ARSG: variants seen among roughly 807,000 people sequenced by gnomAD.
The protein encoded by ARSG is arylsulfatase G.
A neutral mutation model predicts 50.5 loss-of-function variants in ARSG; 37 were observed. The observed-to-expected ratio is 0.73, with a 90% CI of 0.56 to 0.96. The LOEUF is 0.96. ARSG is among the 50% of genes least tolerant of loss of function. The pLI is 0.00. For synonymous variants in ARSG, 225 were observed against 254.6 expected (o/e 0.88, Z 1.11); for missense variants, 629 against 675.3 (o/e 0.93, Z 0.76).
intron 9 of ARSG, among the ~76,000 whole-genome samples, chr17:68,388,002 G>A (rs2080809278): frequency 6.6e-6 from 1 of 152,096 alleles, no homozygotes; most frequent in South Asian, 2.1e-4. Flanking sequence ...GAAGGGTCTT[G>A]CACGTGACCT....
At chr17:68,268,156 T>G (rs782637713) in intron 1 of ARSG, 36 of 152,280 alleles carry the variant, frequency 2.4e-4, no homozygotes, top group Non-Finnish European at 5.0e-4. Flanking sequence ...TAAGACGTAT[T>G]CTGTGAGGCA....
intron 8 of ARSG, among the ~76,000 whole-genome samples, chr17:68,376,144 C>G (rs561153983): frequency 2.0e-5 from 3 of 152,182 alleles, no homozygotes; most frequent in African/African-American, 7.2e-5. Context: ...CAGTCTTGCT[C>G]TGTCCCCCAG....
the ARSG span, among the ~76,000 whole-genome samples, chr17:68,438,951 T>C: frequency 6.6e-6 from 1 of 152,200 alleles, no homozygotes; most frequent in Non-Finnish European, 1.5e-5. Flanking sequence ...GAGATACCAC[T>C]GTACAACCAC....
At chr17:68,430,248 C>T in the ARSG span, 2 of 1,338,706 alleles carry the variant, frequency 1.5e-6, no homozygotes, top group South Asian at 2.7e-5. Flanking sequence ...TCATTAGCCA[C>T]ACTCCCCGCA....
At chr17:68,394,305 A>G in intron 9 of ARSG, among the ~76,000 whole-genome samples, 1 of 152,162 alleles carries the variant, frequency 6.6e-6, no homozygotes, top group East Asian at 1.9e-4. Flanking sequence ...GAAGACATGA[A>G]CAGAAACGTG....
At chr17:68,423,538 T>C (rs1427136690), downstream of ARSG, among the ~76,000 whole-genome samples, 1 of 152,218 alleles carries the variant, frequency 6.6e-6, no homozygotes. The surrounding 1 kb of genome is among the most constrained non-coding windows in gnomAD (Gnocchi z 4.4). Flanking sequence ...CCTTGTTCAG[T>C]GACCACTCTC....
In ARSG at chr17:68,314,274, C is replaced by G. The variant is rs142128540; in HGVS notation, c.218+6563C>G. ...GGGCACAGTGGCTCACACCTGTAAT[C>G]CCAGCACTTTGGGAGGCCGAGGCAG... On this transcript the variant is annotated intron_variant, in intron 2 of 11. Transcript: ENST00000621439. Among the ~76,000 whole-genome samples the G allele has an allele frequency of 9.2e-3, 1,399 of 152,070 alleles. 21 individuals are homozygous for G. The highest frequency in any genetic ancestry group is 0.031 in the African/African-American group (1,306 of 41,482).
intron 5 of ARSG, 44 bp from the exon 6 acceptor site, chr17:68,356,623 G>A (rs1200592375): frequency 1.2e-6 from 2 of 1,610,656 alleles, no homozygotes; most frequent in Non-Finnish European, 1.7e-6. Context: ...TGCTCCGTGA[G>A]TACGTAGGAA....
intron 2 of ARSG, among the ~76,000 whole-genome samples, chr17:68,309,204 G>C (rs957430799): frequency 2.0e-5 from 3 of 152,246 alleles, no homozygotes; most frequent in African/African-American, 7.2e-5. Context: ...GCTGCTCCGA[G>C]TGCGGGGCCC....
intron 9 of ARSG, among the ~76,000 whole-genome samples, chr17:68,392,103 C>T (rs1214462310): frequency 6.6e-6 from 1 of 152,172 alleles, no homozygotes; most frequent in Non-Finnish European, 1.5e-5. Flanking sequence ...ATGGTGCATG[C>T]GAAAGCCTGA....
chr17:68,297,650 A>G (rs975257623), intron 1 of ARSG, among the ~76,000 whole-genome samples: 16 of 152,126 alleles, frequency 1.1e-4, no homozygotes, highest in Non-Finnish European at 1.9e-4. Flanking sequence ...TTTTTCTAAT[A>G]GAGATGGGGT....
At chr17:68,311,131 G>A (rs568526074) in intron 2 of ARSG, among the ~76,000 whole-genome samples, 10 of 152,270 alleles carry the variant, frequency 6.6e-5, no homozygotes, top group South Asian at 2.1e-4. Flanking sequence ...ACTCCAGCCC[G>A]GGCAACAGAC....
In ARSG at chr17:68,420,264, ACGATAC is replaced by A. The variant is rs2082687922; in HGVS notation, c.1382_1387del (p.Asp461_Thr462del). 1 of 1,614,148 alleles carries A rather than the reference ACGATAC, an allele frequency of 6.2e-7. No homozygotes were observed. The highest frequency in any genetic ancestry group is 8.5e-7 in the Non-Finnish European group (1 of 1,180,028). The stretch of plus-strand genomic sequence containing the variant: ...TTTCCTCTGATTTTCAACCTGGAAG[ACGATAC>A]CGCAGAAGCTGTGCCCCTAGAAAGA... On this transcript the variant is annotated inframe_deletion, in exon 12 of 12. Transcript: ENST00000621439.
chr17:68,382,437 A>G (rs2080482135), intron 8 of ARSG, among the ~76,000 whole-genome samples: 1 of 152,222 alleles, frequency 6.6e-6, no homozygotes, highest in Non-Finnish European at 1.5e-5. Context: ...AGGGCTCAAT[A>G]AATACGAGAT....
At chr17:68,310,126 A>T (rs2076793040) in intron 2 of ARSG, among the ~76,000 whole-genome samples, 1 of 151,882 alleles carries the variant, frequency 6.6e-6, no homozygotes, top group South Asian at 2.1e-4. Flanking sequence ...GGTGTGTGCC[A>T]CCTGGGGAGA....
At chr17:68,442,300 C>A in the ARSG span, among the ~76,000 whole-genome samples, 4 of 151,888 alleles carry the variant, frequency 2.6e-5, no homozygotes, top group African/African-American at 7.3e-5. Flanking sequence ...CCTATCTCTA[C>A]TAAAAATACA....
intron 2 of ARSG, among the ~76,000 whole-genome samples, chr17:68,318,429 G>A (rs1195389109): frequency 6.6e-6 from 1 of 152,196 alleles, no homozygotes; most frequent in Admixed American, 6.5e-5. Context: ...ATGACTCCTG[G>A]CTGGGTGGCT....
At chr17:68,291,053 C>G (rs1291981283), upstream of ARSG, 2 of 152,234 alleles carry the variant, frequency 1.3e-5, no homozygotes, top group African/African-American at 4.8e-5. Flanking sequence ...CACAATCAAA[C>G]TTTTAAACAT....
intron 2 of ARSG, among the ~76,000 whole-genome samples, chr17:68,323,953 A>G (rs1398587351): frequency 7.2e-5 from 11 of 151,848 alleles, no homozygotes; most frequent in Admixed American, 2.6e-4. Context: ...GGTGCCTGTA[A>G]TCCCAGCTAT....
Sources: allele counts gnomAD v4.1 joint callset (sites outside exome capture counted in the v4.1 genomes callset), GRCh38; gene constraint gnomAD v4.1.1; non-coding constraint Gnocchi (gnomAD v3.1); transcripts MANE v1.5; gene names NCBI Gene and HGNC (gene_info 2026-07-23, HGNC 2026-07-21).